The following SKIL variants were observed in gnomAD, a reference collection of about 807,000 sequenced individuals.
SKIL encodes the protein SKI like proto-oncogene, also known as ski-like protein.
Under a neutral mutation model 69.6 loss-of-function variants are expected in SKIL, and 20 were observed. The observed-to-expected ratio is 0.29, with a 90% confidence interval of 0.20 to 0.42. SKIL has a LOEUF of 0.42. Ranked by LOEUF, SKIL falls within the 10% of genes least tolerant of loss-of-function variation. The probability of loss-of-function intolerance (pLI) is 1.00; values close to 1 mark genes in which losing one functional copy is unlikely to be tolerated. For synonymous variants in SKIL, 310 were observed against 279.9 expected (o/e 1.11, Z -1.08); for missense variants, 745 against 783.1 (o/e 0.95, Z 0.58).
chr3:170,388,824 A>G (rs1157724154), intron 4 of SKIL, among the ~76,000 whole-genome samples: 1 of 152,048 alleles, frequency 6.6e-6, no homozygotes, highest in Non-Finnish European at 1.5e-5. Flanking sequence ...CTAAGAAACT[A>G]TTGCCTAATC....
Position 170,392,617 on chromosome 3 carries a change from C to A in SKIL, c.*200C>A. On this transcript the variant is annotated 3_prime_UTR_variant, in exon 7 of 7. Transcript: ENST00000259119. ...TCCAAATGAATGAAAATGTATGTTT[C>A]TTTGTACTTTTTTAAAAAAATCAGC... 1 of 358,072 alleles carries A rather than the reference C, an allele frequency of 2.8e-6. No homozygotes were observed. 22.2% of individuals were successfully genotyped at this position (358,072 alleles called of 1,614,324 possible). A position where few individuals can be genotyped will look rare whatever the true frequency, so the allele number is the denominator to read the frequency against.
chr3:170,380,790 A>G (rs566740536), intron 2 of SKIL, among the ~76,000 whole-genome samples: 1 of 152,224 alleles, frequency 6.6e-6, no homozygotes, highest in South Asian at 2.1e-4. Context: ...TTCAGGTGAT[A>G]ATCAGGCTTC....
intron 2 of SKIL, among the ~76,000 whole-genome samples, chr3:170,364,411 C>T (rs1471170635): frequency 6.7e-6 from 1 of 149,222 alleles, no homozygotes; most frequent in Non-Finnish European, 1.5e-5. Flanking sequence ...GCAATCTCCA[C>T]CTCCCAGATT....
Position 170,360,532 on chromosome 3 carries a change from G to C in SKIL, c.201G>C (p.Glu67Asp). The change falls in exon 2 of 7, where the codon GAG becomes GAC. Residue 67 changes from glutamate (E) to aspartate (D), a missense_variant. Coordinates refer to ENST00000259119, the MANE Select transcript of SKIL (RefSeq NM_005414.5). ...AAGCACCAGTGGAAACTGATGGAGA[G>C]CATGTTAAGCGAACCTGTACTTCTG... is the stretch of plus-strand genomic sequence containing the variant. ...YGEAPVETDG[E>D]HVKRTCTSVP... 1 of 1,614,190 alleles carries C rather than the reference G, an allele frequency of 6.2e-7. No homozygotes were observed. Among genetic ancestry groups the C allele is most frequent in the Non-Finnish European group, 8.5e-7 (1 of 1,180,040 alleles).
chr3:170,392,528 T>C lies in SKIL; in HGVS notation c.*111T>C. On this transcript the variant is annotated 3_prime_UTR_variant, in exon 7 of 7. Coordinates refer to ENST00000259119, the MANE Select transcript of SKIL (RefSeq NM_005414.5). ...TATCTGCATGACGATAACTAGGCAT[T>C]CTATCCATTTGTAGATCAGAGAAAG... 1 of 599,042 alleles carries C rather than the reference T, an allele frequency of 1.7e-6. No homozygotes were observed. The highest frequency in any genetic ancestry group is 2.9e-6 in the Non-Finnish European group (1 of 348,176). 37.1% of individuals were successfully genotyped at this position (599,042 alleles called of 1,614,324 possible).
At chr3:170,376,128 A>G (rs1228313494) in intron 2 of SKIL, among the ~76,000 whole-genome samples, 6 of 144,606 alleles carry the variant, frequency 4.1e-5, no homozygotes, top group Non-Finnish European at 7.5e-5. Flanking sequence ...GCTCACTGCA[A>G]CCTCCACCTC....
intron 2 of SKIL, among the ~76,000 whole-genome samples, chr3:170,371,769 T>G (rs559405114): frequency 5.3e-5 from 8 of 152,318 alleles, no homozygotes; most frequent in African/African-American, 1.4e-4. Flanking sequence ...ATGGATGCCT[T>G]GGGGCATTTT....
rs1221268540 is a variant in SKIL at position 170,384,661 on chromosome 3, A to C, written c.1325A>C (p.His442Pro). 1.2e-6 allele frequency: 2 copies of C among 1,612,066 alleles called. No individual in the cohort carries two copies. The highest frequency in any genetic ancestry group is 2.7e-5 in the African/African-American group (2 of 74,896). Residue 442 changes from histidine (H) to proline (P), a missense_variant, in exon 4 of 7, where the codon CAC (histidine) becomes CCC (proline). Transcript: ENST00000259119. ...KSISRQSEKAHSSGKLQKTVS... is the reference protein window; with the variant it reads ...KSISRQSEKAPSSGKLQKTVS... ...ATATCAAGACAGTCAGAGAAGGCTCACAGTAGTGGTAAACTTCAAAAAACA... is the reference window on the plus strand; with the variant it reads ...ATATCAAGACAGTCAGAGAAGGCTCCCAGTAGTGGTAAACTTCAAAAAACA...
chr3:170,384,048 A>AC (rs1737493409), intron 3 of SKIL, among the ~76,000 whole-genome samples: 3 of 151,948 alleles, frequency 2.0e-5, no homozygotes, highest in African/African-American at 7.3e-5. Context: ...AAAAAAAAAA[A>AC]AAAACACGAA....
At chr3:170,365,476 A>G (rs372179873) in intron 2 of SKIL, among the ~76,000 whole-genome samples, 27 of 152,270 alleles carry the variant, frequency 1.8e-4, no homozygotes, top group African/African-American at 6.5e-4. Flanking sequence ...GGGATGCTCA[A>G]CTGCCATATC....
In SKIL at chr3:170,393,233, G is replaced by C. The variant is rs1738016035; in HGVS notation, c.*816G>C. 1 of 152,016 alleles carries C rather than the reference G, an allele frequency of 6.6e-6. No individual in the cohort carries two copies. Among genetic ancestry groups the C allele is most frequent in the Admixed American group, 6.6e-5 (1 of 15,264 alleles). The allele number at this position is 152,016 out of a possible 1,614,324, so 9.4% of individuals were successfully genotyped here. The stretch of plus-strand genomic sequence containing the variant: ...TGAGAAAAACTGATACCACTGTTGT[G>C]TATCAGTTTCTATACAATCCATAAT... On this transcript the variant is annotated 3_prime_UTR_variant, in exon 7 of 7. Transcript: ENST00000259119.
At position 170,392,655 on chromosome 3, in the gene SKIL, CTA is replaced by C. The variant is rs1737985309; in HGVS notation, c.*242_*243del. 7.4e-6 allele frequency: 2 copies of C among 268,844 alleles called. No homozygotes were observed. Among genetic ancestry groups the C allele is most frequent in the Non-Finnish European group, 1.4e-5 (2 of 144,354 alleles). The allele number at this position is 268,844 out of a possible 1,614,324, so 16.7% of individuals were successfully genotyped here. A position where few individuals can be genotyped will look rare whatever the true frequency, so the allele number is the denominator to read the frequency against. On this transcript the variant is annotated 3_prime_UTR_variant, in exon 7 of 7. Coordinates refer to ENST00000259119, the MANE Select transcript of SKIL (RefSeq NM_005414.5). Reference sequence around the variant, plus strand: ...TAAAAAAATCAGCTTAGTAACAATACTATATGGTTTCAACTAGTAGGTAATCT... The same window carrying C: ...TAAAAAAATCAGCTTAGTAACAATACTATGGTTTCAACTAGTAGGTAATCT...
intron 4 of SKIL, among the ~76,000 whole-genome samples, chr3:170,389,304 G>C (rs1166345636): frequency 6.6e-6 from 1 of 150,396 alleles, no homozygotes; most frequent in Non-Finnish European, 1.5e-5. Context: ...ATGTTGAAAA[G>C]ATTATTCTTT....
chr3:170,366,078 C>G (rs1303097630), intron 2 of SKIL, among the ~76,000 whole-genome samples: 7 of 136,828 alleles, frequency 5.1e-5, no homozygotes, highest in Non-Finnish European at 1.1e-4. Flanking sequence ...TTTTTTAAGA[C>G]TGTACTAAAT....
intron 2 of SKIL, among the ~76,000 whole-genome samples, chr3:170,367,908 A>AT: frequency 6.6e-6 from 1 of 152,124 alleles, no homozygotes. Flanking sequence ...AACTTAAAAA[A>AT]TTTTTTTTCC....
At chr3:170,387,642 G>A (rs1261622533) in intron 4 of SKIL, among the ~76,000 whole-genome samples, 2 of 151,532 alleles carry the variant, frequency 1.3e-5, no homozygotes, top group Non-Finnish European at 2.9e-5. Context: ...TGCTGCTATA[G>A]GCCGGGCGCG....
intron 5 of SKIL, 68 bp downstream of exon 5, chr3:170,390,532 G>A (rs1469856576): frequency 7.6e-7 from 1 of 1,314,978 alleles, no homozygotes; most frequent in African/African-American, 1.5e-5. Context: ...TGTCGCCCAG[G>A]CTGGAGTGCA....
chr3:170,387,193 T>C (rs569180961), intron 4 of SKIL, among the ~76,000 whole-genome samples: 21 of 152,198 alleles, frequency 1.4e-4, no homozygotes, highest in African/African-American at 4.6e-4. Context: ...AATTTTTTTG[T>C]ATTATTAGTA....
chr3:170,367,656 T>TG (rs1487670723), intron 2 of SKIL, among the ~76,000 whole-genome samples: 1 of 150,932 alleles, frequency 6.6e-6, no homozygotes, highest in African/African-American at 2.4e-5. Flanking sequence ...TTAGTAGAGA[T>TG]GGGGGTTTCA....
Sources: allele counts gnomAD v4.1 joint callset (sites outside exome capture counted in the v4.1 genomes callset), GRCh38; gene constraint gnomAD v4.1.1; transcripts MANE v1.5; gene names NCBI Gene and HGNC (gene_info 2026-07-23, HGNC 2026-07-21).